Variants in COMMD10 observed in about 807,000 individuals in gnomAD.
COMMD10 encodes the protein COMM domain containing 10, also known as COMM domain-containing protein 10.
Under a neutral mutation model 28.9 loss-of-function variants are expected in COMMD10, and 33 were observed. That is an observed-to-expected ratio of 1.14 (90% CI 0.87 to 1.53). The LOEUF (loss-of-function observed/expected upper bound fraction) is 1.53. Ranked by LOEUF, COMMD10 falls within the 40% of genes most tolerant of loss-of-function variation. The pLI is 0.00. For missense variants in COMMD10, 310 were observed against 233.4 expected (o/e 1.33, Z -2.14); for synonymous variants, 110 against 81.7 (o/e 1.35, Z -1.87).
Position 116,121,986 on chromosome 5 carries a change from A to T in COMMD10, c.400-12082A>T, listed in dbSNP as rs144832509. 6.9e-3 allele frequency among the ~76,000 whole-genome samples: 1,043 copies of T among 152,248 alleles called. 17 individuals carry two copies. The highest frequency in any genetic ancestry group is 7.9e-3 in the Non-Finnish European group (536 of 68,006). On this transcript the variant is annotated intron_variant, in intron 4 of 6. Transcript: ENST00000274458. ...TGTCATGCAGAAGCTCTTTAGTTTAATTAGATTCCATTTGACTATTTTGGC... is the reference window on the plus strand; with the variant it reads ...TGTCATGCAGAAGCTCTTTAGTTTATTTAGATTCCATTTGACTATTTTGGC...
intron 5 of COMMD10, among the ~76,000 whole-genome samples, chr5:116,140,228 A>T (rs4499873): frequency 6.7e-6 from 1 of 150,272 alleles, no homozygotes; most frequent in African/African-American, 2.5e-5. Context: ...GACTCATACT[A>T]CTATGTGTGT....
chr5:116,287,245 C>A (rs1324702897), intron 5 of COMMD10, among the ~76,000 whole-genome samples: 1 of 151,564 alleles, frequency 6.6e-6, no homozygotes, highest in African/African-American at 2.4e-5. Flanking sequence ...TGTATTTATG[C>A]ACCAAAGCTA....
intron 5 of COMMD10, among the ~76,000 whole-genome samples, chr5:116,266,899 G>T (rs143076515): frequency 3.3e-5 from 5 of 151,654 alleles, no homozygotes; most frequent in African/African-American, 4.9e-5. Flanking sequence ...TTCAACAGCC[G>T]TTCATGCTAA....
chr5:116,186,201 C>G (rs1287834615), intron 5 of COMMD10, among the ~76,000 whole-genome samples: 1 of 152,098 alleles, frequency 6.6e-6, no homozygotes, highest in Non-Finnish European at 1.5e-5. Context: ...TGTTTCTCAC[C>G]CCGCAGTCAA....
At chr5:116,123,009 A>G (rs947835026) in intron 4 of COMMD10, among the ~76,000 whole-genome samples, 14 of 152,062 alleles carry the variant, frequency 9.2e-5, no homozygotes, top group Non-Finnish European at 1.6e-4. Context: ...AACTTCCAAC[A>G]CTATGTTGAA....
intron 5 of COMMD10, among the ~76,000 whole-genome samples, chr5:116,165,225 G>GCATA (rs1026683029): frequency 5.6e-4 from 85 of 152,290 alleles, no homozygotes; most frequent in African/African-American, 2.0e-3. Flanking sequence ...ATGGTGAAAA[G>GCATA]CATACCTCAG....
In COMMD10 at chr5:116,091,147, T is replaced by A. The variant is rs35977168; in HGVS notation, c.201T>A (p.Asp67Glu). The change falls in exon 3 of 7, where the codon GAT (aspartate) becomes GAA (glutamate). Residue 67 changes from aspartate to glutamate, a missense_variant. Coordinates refer to ENST00000274458, the MANE Select transcript of COMMD10 (RefSeq NM_016144.4). ...LQAAFSLEKQ[D>E]LHLVLETISF... ...CGGCATTTTCTCTAGAGAAACAAGA[T>A]CTTCACCTAGTTCTTGAAACAATAT... 1 of 1,610,140 alleles carries A rather than the reference T, an allele frequency of 6.2e-7. No individual in the cohort carries two copies. Among genetic ancestry groups the A allele is most frequent in the Non-Finnish European group, 8.5e-7 (1 of 1,177,624 alleles).
intron 5 of COMMD10, among the ~76,000 whole-genome samples, chr5:116,170,018 G>T (rs960365004): frequency 6.6e-6 from 1 of 152,048 alleles, no homozygotes; most frequent in Non-Finnish European, 1.5e-5. Context: ...AAAATAAAGG[G>T]TATTCAAATA....
chr5:116,140,553 G>T (rs553049245), intron 5 of COMMD10, among the ~76,000 whole-genome samples: 12 of 151,848 alleles, frequency 7.9e-5, no homozygotes, highest in African/African-American at 2.9e-4. Flanking sequence ...AGTGTACGGG[G>T]TTCCCTTTTC....
intron 4 of COMMD10, among the ~76,000 whole-genome samples, chr5:116,107,856 A>G (rs1254949298): frequency 6.6e-6 from 1 of 152,072 alleles, no homozygotes; most frequent in African/African-American, 2.4e-5. Context: ...GACCTTTGGA[A>G]GAGGTCTCTG....
Position 116,291,550 on chromosome 5 carries a change from A to T in COMMD10, c.544A>T (p.Lys182Ter). 1 of 1,600,968 alleles carries T rather than the reference A, an allele frequency of 6.2e-7. No individual in the cohort carries two copies. The highest frequency in any genetic ancestry group is 8.5e-7 in the Non-Finnish European group (1 of 1,172,676). Residue 182 changes from lysine to a stop codon, truncating the protein, a stop_gained, in exon 6 of 7, where the codon AAG becomes TAG. Coordinates refer to ENST00000274458, the MANE Select transcript of COMMD10 (RefSeq NM_016144.4). LOFTEE classifies it high-confidence loss of function. ...LEKVLVEFSH[K>*]ELFDFYNKLE... ...GAAAGTTCTTGTGGAATTCAGTCAC[A>T]AGGAGTTGTTTGATTTCTATAACAA...
intron 2 of COMMD10, among the ~76,000 whole-genome samples, chr5:116,089,472 T>C (rs1315120480): frequency 1.3e-5 from 2 of 152,248 alleles, no homozygotes; most frequent in African/African-American, 2.4e-5. Context: ...TGCTTGCTTA[T>C]GTATAAAAAT....
chr5:116,161,778 CAG>C (rs1179386741), intron 5 of COMMD10, among the ~76,000 whole-genome samples: 1 of 152,096 alleles, frequency 6.6e-6, no homozygotes, highest in African/African-American at 2.4e-5. Context: ...CTTGCCATCT[CAG>C]GGGTGGCAGA....
intron 4 of COMMD10, among the ~76,000 whole-genome samples, chr5:116,125,153 G>A (rs1751581657): frequency 6.6e-6 from 1 of 152,128 alleles, no homozygotes; most frequent in Non-Finnish European, 1.5e-5. Context: ...TAGCATTGAT[G>A]GTCTTTACAA....
At position 116,293,039 on chromosome 5, in the gene COMMD10, T is replaced by C. The variant is rs757261485; in HGVS notation, c.*550T>C. On this transcript the variant is annotated 3_prime_UTR_variant, in exon 7 of 7. Transcript: ENST00000274458. ...AGTATGGTATCAGTTAATTCCAGTC[T>C]GAGCTTCTCTGTCAACTTCAGTTTC... 1.0e-5 allele frequency: 4 copies of C among 397,364 alleles called. No homozygotes were observed. In the Admixed American group the frequency reaches 1.3e-4, roughly 13 times the overall value. The allele number at this position is 397,364 out of a possible 1,614,324, so 24.6% of individuals were successfully genotyped here.
intron 5 of COMMD10, among the ~76,000 whole-genome samples, chr5:116,289,217 T>C (rs1259368127): frequency 6.6e-6 from 1 of 151,882 alleles, no homozygotes; most frequent in Non-Finnish European, 1.5e-5. Context: ...ATAATAGTTA[T>C]TTTAAATTCC....
chr5:116,174,038 A>G (rs953078106), intron 5 of COMMD10, among the ~76,000 whole-genome samples: 6 of 152,112 alleles, frequency 3.9e-5, no homozygotes, highest in African/African-American at 1.4e-4. Flanking sequence ...GAAAAAGAAC[A>G]TAGATTGAAT....
chr5:116,125,803 A>G (rs1184387662), intron 4 of COMMD10, among the ~76,000 whole-genome samples: 1 of 152,006 alleles, frequency 6.6e-6, no homozygotes, highest in Non-Finnish European at 1.5e-5. Context: ...TTTGATCGTC[A>G]GTCACTGATA....
At chr5:116,119,280 C>CT (rs1751343638) in intron 4 of COMMD10, among the ~76,000 whole-genome samples, 1 of 152,184 alleles carries the variant, frequency 6.6e-6, no homozygotes, top group African/African-American at 2.4e-5. Context: ...GGTGTCTAAA[C>CT]TTGAGGGTAT....
Sources: gnomAD v4.1 joint callset for allele counts (sites outside exome capture counted in the v4.1 genomes callset) on GRCh38, gnomAD v4.1.1 for gene constraint, MANE v1.5 for transcripts, NCBI Gene and HGNC (gene_info 2026-07-23, HGNC 2026-07-21) for gene names.